Variants in OR51B5 observed in about 807,000 individuals in gnomAD.
OR51B5 encodes olfactory receptor family 51 subfamily B member 5.
For synonymous variants in OR51B5, 186 were observed against 144.8 expected (o/e 1.28, Z -2.04); for missense variants, 456 against 374.6 (o/e 1.22, Z -1.79).
At chr11:5,492,691 C>G (rs1851597718) in intron 1 of OR51B5, among the ~76,000 whole-genome samples, 5 of 152,188 alleles carry the variant, frequency 3.3e-5, no homozygotes. Flanking sequence ...GGCGGGAGTA[C>G]AGTGGCACAA....
At chr11:5,384,879 G>A (rs1218240644) in intron 1 of OR51B5, among the ~76,000 whole-genome samples, 3 of 152,134 alleles carry the variant, frequency 2.0e-5, no homozygotes, top group Non-Finnish European at 4.4e-5. Flanking sequence ...AGATGAGTTT[G>A]ACCACTGTGG....
intron 1 of OR51B5, among the ~76,000 whole-genome samples, chr11:5,445,225 T>C (rs951348438): frequency 4.6e-5 from 7 of 152,046 alleles, no homozygotes; most frequent in Non-Finnish European, 1.0e-4. Context: ...TGATCAAATA[T>C]GTTTTAAATA....
chr11:5,354,274 T>TCAAA (rs1453993693), intron 1 of OR51B5, among the ~76,000 whole-genome samples: 1 of 152,214 alleles, frequency 6.6e-6, no homozygotes, highest in African/African-American at 2.4e-5. Context: ...CTAAGCCACA[T>TCAAA]CAAAGAAAAT....
chr11:5,439,937 A>G (rs963686189), intron 1 of OR51B5, among the ~76,000 whole-genome samples: 2 of 152,180 alleles, frequency 1.3e-5, no homozygotes, highest in Non-Finnish European at 2.9e-5. Flanking sequence ...AGTAGACCAT[A>G]CTTGGAATAG....
chr11:5,431,976 G>T (rs1321826789), intron 1 of OR51B5, among the ~76,000 whole-genome samples: 1 of 152,190 alleles, frequency 6.6e-6, no homozygotes, highest in Non-Finnish European at 1.5e-5. Flanking sequence ...TCAAGTCGAA[G>T]TACTTAGGAT....
chr11:5,342,927 G>C (rs1453475181), exon 1 of OR51B5: 1 of 1,613,796 alleles, frequency 6.2e-7, no homozygotes, highest in Non-Finnish European at 8.5e-7. Context: ...AAGACTACAA[G>C]CACAGCTGGG....
At position 5,380,598 on chromosome 11, in the gene OR51B5, A is replaced by C. The variant is rs149991731; in HGVS notation, n.85-33688T>G. 1.1e-4 allele frequency among the ~76,000 whole-genome samples: 17 copies of C among 152,282 alleles called. No homozygotes were observed. The East Asian group carries it at 3.3e-3, about 29-fold the overall frequency. On this transcript the variant is annotated intron_variant and non_coding_transcript_variant, in intron 1 of 4. Transcript: ENST00000415970. ...TGTTTCTGGTCAGAGTGGGGATTTAAGGCTTGGTCAATATGATTAAGACTA... is the reference window on the plus strand; with the variant it reads ...TGTTTCTGGTCAGAGTGGGGATTTACGGCTTGGTCAATATGATTAAGACTA...
intron 1 of OR51B5, chr11:5,469,143 T>G (rs996528158): frequency 3.6e-5 from 8 of 223,538 alleles, no homozygotes; most frequent in South Asian, 6.4e-5. Flanking sequence ...TCAAAAGTTG[T>G]CTCTGGGGCA....
At chr11:5,401,862 CT>C (rs1849973549) in intron 1 of OR51B5, among the ~76,000 whole-genome samples, 3 of 124,094 alleles carry the variant, frequency 2.4e-5, no homozygotes, top group East Asian at 4.4e-4. Flanking sequence ...TCTGCTTTTT[CT>C]TTTTCCTTCC....
chr11:5,443,384 G>A (rs1481756717), intron 1 of OR51B5, among the ~76,000 whole-genome samples: 1 of 152,020 alleles, frequency 6.6e-6, no homozygotes, highest in African/African-American at 2.4e-5. Context: ...AAAAGGCAAA[G>A]CATCCATTTA....
At chr11:5,469,279 G>C (rs572890443) in intron 1 of OR51B5, 1 of 155,084 alleles carries the variant, frequency 6.4e-6, no homozygotes, top group Non-Finnish European at 1.4e-5. Flanking sequence ...TTATGATAAA[G>C]AGGATGAGGA....
chr11:5,490,576 C>A (rs1450382045), intron 1 of OR51B5, among the ~76,000 whole-genome samples: 2 of 152,142 alleles, frequency 1.3e-5, no homozygotes, highest in African/African-American at 4.8e-5. Context: ...AATCTCAGTT[C>A]TGAAATAAAT....
At chr11:5,456,496 C>A (rs1850963211) in intron 1 of OR51B5, 1 of 151,952 alleles carries the variant, frequency 6.6e-6, no homozygotes, top group African/African-American at 2.4e-5. Context: ...TTTTATTTAA[C>A]ATAATCTTTT....
intron 1 of OR51B5, among the ~76,000 whole-genome samples, chr11:5,413,828 G>A (rs967552586): frequency 6.6e-6 from 1 of 151,652 alleles, no homozygotes; most frequent in Non-Finnish European, 1.5e-5. Flanking sequence ...GAAAGTGACG[G>A]GGAGAATGCA....
chr11:5,369,330 T>C (rs528172022), intron 1 of OR51B5, among the ~76,000 whole-genome samples: 4 of 152,298 alleles, frequency 2.6e-5, no homozygotes, highest in South Asian at 2.1e-4. Flanking sequence ...AAAGTTATTA[T>C]TACTAGTTAG....
intron 1 of OR51B5, among the ~76,000 whole-genome samples, chr11:5,409,786 G>C (rs930250897): frequency 6.6e-6 from 1 of 152,038 alleles, no homozygotes; most frequent in Non-Finnish European, 1.5e-5. Context: ...CTGGTAAAAC[G>C]CATCAATCCA....
chr11:5,448,848 T>A (rs1421991332), intron 1 of OR51B5, among the ~76,000 whole-genome samples: 1 of 152,234 alleles, frequency 6.6e-6, no homozygotes, highest in South Asian at 2.1e-4. Flanking sequence ...TTATTCTAGA[T>A]TAAACCTTCT....
At chr11:5,364,756 T>C (rs1849340810) in intron 1 of OR51B5, among the ~76,000 whole-genome samples, 2 of 152,194 alleles carry the variant, frequency 1.3e-5, no homozygotes, top group Non-Finnish European at 2.9e-5. Context: ...CAAAGTCCCT[T>C]GTTTACAGGG....
At chr11:5,501,941 G>A (rs201367170) in intron 1 of OR51B5, among the ~76,000 whole-genome samples, 8 of 124,912 alleles carry the variant, frequency 6.4e-5, no homozygotes, top group South Asian at 4.8e-4. Flanking sequence ...CGACAGGCCC[G>A]GTGTGTGATG....
Sources: gnomAD v4.1 joint callset for allele counts (sites outside exome capture counted in the v4.1 genomes callset) on GRCh38, gnomAD v4.1.1 for gene constraint, MANE v1.5 for transcripts, NCBI Gene and HGNC (gene_info 2026-07-23, HGNC 2026-07-21) for gene names.